The following PLEC variants were observed in gnomAD, a reference collection of about 807,000 sequenced individuals.
PLEC encodes plectin, also known as hemidesmosomal protein 1.
In PLEC, 216 loss-of-function variants were observed where a neutral mutation model predicts 392.8. The observed-to-expected ratio is 0.55, with a 90% CI of 0.49 to 0.62. PLEC has a LOEUF of 0.62. PLEC is among the 20% of genes least tolerant of loss of function. The pLI is 0.00. For missense variants in PLEC, 6,863 were observed against 6,563.4 expected (o/e 1.05, Z -1.58); for synonymous variants, 3,621 against 2,980.6 (o/e 1.21, Z -7.00).
chr8:143,953,056 T>G (rs1471952994), upstream of PLEC, among the ~76,000 whole-genome samples: 2 of 91,502 alleles, frequency 2.2e-5, no homozygotes, highest in South Asian at 3.9e-4. Context: ...CACACACCCC[T>G]GCGCCAGGGT....
chr8:143,918,222 CACG>C lies in PLEC; in HGVS notation c.11596_11598del (p.Arg3866del). On this transcript the variant is annotated inframe_deletion, in exon 32 of 32. Transcript: ENST00000345136. ...AGGAGCAGCTGGCCGGTGCCGTCGT[CACG>C]ACGGCACCGCCTGAGCAGCTGCGTG... 1 of 1,575,966 alleles carries C rather than the reference CACG, an allele frequency of 6.3e-7. No individual in the cohort carries two copies. Among genetic ancestry groups the C allele is most frequent in the Non-Finnish European group, 8.6e-7 (1 of 1,169,488 alleles).
rs1554726893 is a variant in PLEC, at chr8:143,939,501, G to T, written c.-40C>A. The stretch of plus-strand genomic sequence containing the variant: ...TTCGTCGCCCGGACCCTCGGCCTCA[G>T]GCACGGTGCTCTGGGCAGCCCCGTG... On this transcript the variant is annotated 5_prime_UTR_variant, in exon 1 of 32. It adds an upstream start codon to the 5' untranslated region. Coordinates refer to ENST00000345136, the MANE Select transcript of PLEC (RefSeq NM_201384.3). The T allele has an allele frequency of 6.3e-7, 1 of 1,585,522 alleles. No homozygotes were observed. The highest frequency in any genetic ancestry group is 8.6e-7 in the Non-Finnish European group (1 of 1,166,894).
intron 1 of PLEC, among the ~76,000 whole-genome samples, chr8:143,961,950 G>A (rs1358772508): frequency 6.6e-6 from 1 of 152,122 alleles, no homozygotes; most frequent in Non-Finnish European, 1.5e-5. Flanking sequence ...GGGATTACAG[G>A]CATGTGCCAC....
At chr8:143,964,613 C>T (rs1554741707) in intron 1 of PLEC, among the ~76,000 whole-genome samples, 1 of 152,192 alleles carries the variant, frequency 6.6e-6, no homozygotes, top group Non-Finnish European at 1.5e-5. Flanking sequence ...TAAGAGAATA[C>T]ATTTCTGTTG....
chr8:143,938,915 C>G (rs1554726128), intron 1 of PLEC, among the ~76,000 whole-genome samples: 1 of 152,070 alleles, frequency 6.6e-6, no homozygotes. Context: ...TGCAGCCACC[C>G]CACCCCGGAC....
Position 143,916,132 on chromosome 8 carries a change from G to A in PLEC, c.*45C>T. On this transcript the variant is annotated 3_prime_UTR_variant, in exon 32 of 32. Coordinates refer to ENST00000345136, the MANE Select transcript of PLEC (RefSeq NM_201384.3). ...GAAAACGGCCCCCGCGCCTCGGTGG[G>A]AGCCGGGCTGGGCCGCATGCAGAGC... The A allele has an allele frequency of 6.9e-7, 1 of 1,445,196 alleles. No individual in the cohort carries two copies. The highest frequency in any genetic ancestry group is 1.4e-5 in the South Asian group (1 of 72,376). The allele number at this position is 1,445,196 out of a possible 1,614,324, so 89.5% of individuals were successfully genotyped here.
In PLEC at chr8:143,923,767, G is replaced by A. The variant is rs563719398; in HGVS notation, c.6162C>T (p.His2054=). ...QKRLQAEEKA[H]AFAVQQKEQE... ...GCTCCTTCTGCTGCACCGCGAAGGC[G>A]TGTGCCTTCTCTTCCGCCTGCAGCC... Residue 2054 remains histidine, a synonymous_variant, in exon 31 of 32, where the codon CAC becomes CAT. Coordinates refer to ENST00000345136, the MANE Select transcript of PLEC (RefSeq NM_201384.3). The A allele has an allele frequency of 2.6e-4, 409 of 1,565,504 alleles. 3 individuals are homozygous for A. In the Admixed American group the frequency reaches 6.5e-3, roughly 25 times the overall value.
upstream of PLEC, chr8:143,942,344 G>C (rs1554729259): frequency 1.9e-6 from 3 of 1,594,682 alleles, no homozygotes; most frequent in Admixed American, 3.4e-5. Context: ...CACTAGGTGA[G>C]AGCGATGGTG....
At position 143,930,069 on chromosome 8, in the gene PLEC, G is replaced by C. The variant is rs11990994; in HGVS notation, c.2613-7C>G. ...CTGGTGCTGGGCCTCCAGCCTGGCA[G>C]GTCAGGGCTACAGTCAGCGTCACCA... On this transcript the variant is annotated splice_polypyrimidine_tract_variant and splice_region_variant and intron_variant, in intron 21 of 31. Coordinates refer to ENST00000345136, the MANE Select transcript of PLEC (RefSeq NM_201384.3). 2.5e-6 allele frequency: 4 copies of C among 1,609,706 alleles called. No individual in the cohort carries two copies. The East Asian group carries it at 6.7e-5, about 27-fold the overall frequency.
chr8:143,973,445 C>T lies in PLEC; in HGVS notation c.28G>A (p.Asp10Asn). Residue 10 changes from aspartate (D) to asparagine (N), a missense_variant, in exon 1 of 32, where the codon GAC (aspartate) becomes AAC (asparagine). Transcript: ENST00000356346. This position sits in a 1 kb window ranked among gnomAD's most constrained non-coding sequence, Gnocchi z 5.6. ...ACCTCCTCGTAGGCCTGGATGAAGT[C>T]CTGCTCGTCGGGCAGCGGGCCGGCC... The T allele has an allele frequency of 3.9e-6, 6 of 1,524,350 alleles. No homozygotes were observed. Among genetic ancestry groups the T allele is most frequent in the Non-Finnish European group, 5.3e-6 (6 of 1,135,762 alleles). 94.4% of individuals were successfully genotyped at this position (1,524,350 alleles called of 1,614,324 possible).
At chr8:143,965,004 C>T (rs1295573431) in intron 1 of PLEC, among the ~76,000 whole-genome samples, 4 of 145,516 alleles carry the variant, frequency 2.7e-5, no homozygotes, top group Non-Finnish European at 4.5e-5. Context: ...CCCACCCCCC[C>T]GCCCACCCTG....
At position 143,922,096 on chromosome 8, in the gene PLEC, C is replaced by G. The variant is rs782238025; in HGVS notation, c.7725G>C (p.Gln2575His). 6.4e-7 allele frequency: 1 copy of G among 1,563,978 alleles called. No individual in the cohort carries two copies. The highest frequency in any genetic ancestry group is 1.3e-5 in the African/African-American group (1 of 74,148). The change falls in exon 32 of 32, where the codon CAG (glutamine) becomes CAC (histidine). Residue 2575 changes from glutamine to histidine, a missense_variant. By Grantham distance (24) the Gln-to-His change is conservative. Transcript: ENST00000345136. The stretch of plus-strand genomic sequence containing the variant: ...CCTGCTGCCGCCGCTGCTGCTCCAG[C>G]TGCTGCAGCTCCTCCTGCTTGCGCC... The part of the protein sequence containing the change: ...GVRRKQEELQ[Q>H]LEQQRRQQEE...
At chr8:143,932,735 G>A in intron 14 of PLEC, 23 bp from the exon 15 acceptor site, 1 of 1,608,284 alleles carries the variant, frequency 6.2e-7, no homozygotes, top group Non-Finnish European at 8.5e-7. Flanking sequence ...AGACGGTGAG[G>A]TCTGCAGTGG....
Position 143,924,070 on chromosome 8 carries a change from G to A in PLEC, c.5859C>T (p.Ser1953=). The A allele has an allele frequency of 6.3e-7, 1 of 1,597,654 alleles. No individual in the cohort carries two copies. Among genetic ancestry groups the A allele is most frequent in the Non-Finnish European group, 8.5e-7 (1 of 1,179,098 alleles). Residue 1953 remains serine, a synonymous_variant, in exon 31 of 32, where the codon AGC becomes AGT. Transcript: ENST00000345136. The part of the protein sequence containing the change: ...ELELELGRIR[S]NAEDTLRSKE... ...TGCTGCGCAGCGTGTCCTCCGCGTT[G>A]CTGCGGATGCGTCCCAGCTCCAGCT...
chr8:143,945,652 C>T lies in PLEC; in HGVS notation c.523+4532G>A, dbSNP rs1469013501. On this transcript the variant is annotated intron_variant, in intron 1 of 31. Transcript: ENST00000322810. ...CCTCATACAGACCAGGAGCCTGAGG[C>T]GCCGCCTGCTGTCCCGCACGCTGCC... Among the ~76,000 whole-genome samples the T allele has an allele frequency of 5.9e-5, 9 of 152,320 alleles. No individual in the cohort carries two copies. The East Asian group carries it at 7.7e-4, about 13-fold the overall frequency.
chr8:143,923,090 G>C lies in PLEC; in HGVS notation c.6839C>G (p.Ala2280Gly). 2 of 1,606,930 alleles carry C rather than the reference G, an allele frequency of 1.2e-6. No individual in the cohort carries two copies. The highest frequency in any genetic ancestry group is 1.7e-6 in the Non-Finnish European group (2 of 1,179,828). The change falls in exon 31 of 32, where the codon GCC becomes GGC. Residue 2280 changes from alanine (A) to glycine (G), a missense_variant. By Grantham distance (60) the Ala-to-Gly change is moderately conservative (BLOSUM62 0). Coordinates refer to ENST00000345136, the MANE Select transcript of PLEC (RefSeq NM_201384.3). ...AEKMKQVAEE[A>G]ARLSVAAQEA... Reference sequence around the variant, plus strand: ...TTGGGCCGCCACACTCAGCCGCGCGGCCTCCTCCGCCACCTGCTTCATCTT... The same window carrying C: ...TTGGGCCGCCACACTCAGCCGCGCGCCCTCCTCCGCCACCTGCTTCATCTT...
Position 143,945,323 on chromosome 8 carries a change from C to T in PLEC, c.523+4861G>A, listed in dbSNP as rs547693396. On this transcript the variant is annotated intron_variant, in intron 1 of 31. Transcript: ENST00000322810. ...GGATGGAGACGCCTCTCCTGGGCCA[C>T]GGCAGGAGACTGGCCTGGCTCCACC... 3.2e-3 allele frequency: 1,241 copies of T among 388,444 alleles called. 34 individuals are homozygous for T. Among genetic ancestry groups the T allele is most frequent in the South Asian group, 0.023 (1,214 of 53,738 alleles). The allele number at this position is 388,444 out of a possible 1,614,324, so 24.1% of individuals were successfully genotyped here.
intron 1 of PLEC, among the ~76,000 whole-genome samples, chr8:143,971,907 G>A (rs1473339511): frequency 6.6e-6 from 1 of 152,166 alleles, no homozygotes; most frequent in Non-Finnish European, 1.5e-5. Context: ...TTGGGAGGGA[G>A]GACCCTGACA....
chr8:143,972,547 G>A (rs1329182676), intron 1 of PLEC, among the ~76,000 whole-genome samples: 2 of 152,252 alleles, frequency 1.3e-5, no homozygotes, highest in Non-Finnish European at 2.9e-5. Context: ...CTTGGGGGCA[G>A]AGCCAGCAAA....
Sources: allele counts gnomAD v4.1 joint callset (sites outside exome capture counted in the v4.1 genomes callset), GRCh38; gene constraint gnomAD v4.1.1; non-coding constraint Gnocchi (gnomAD v3.1); transcripts MANE v1.5; gene names NCBI Gene and HGNC (gene_info 2026-07-23, HGNC 2026-07-21).